Variants in MCM3 observed in about 807,000 individuals in gnomAD.
MCM3 encodes DNA replication licensing factor MCM3.
A neutral mutation model predicts 91.3 loss-of-function variants in MCM3; 59 were observed. That is an observed-to-expected ratio of 0.65 (90% CI 0.52 to 0.80). The LOEUF is 0.80. Ranked by LOEUF, MCM3 falls within the 30% of genes least tolerant of loss-of-function variation. The pLI is 0.00. For synonymous variants in MCM3, 383 were observed against 379.6 expected, an observed-to-expected ratio of 1.01 and a Z score of -0.10; for missense variants, 919 against 1,035.4, an observed-to-expected ratio of 0.89 and a Z score of 1.54.
chr6:52,282,587 G>C (rs1766199792), intron 3 of MCM3, 66 bp downstream of exon 3: 1 of 1,481,844 alleles, frequency 6.7e-7, no homozygotes, highest in Non-Finnish European at 9.4e-7. Context: ...GATCTACTTT[G>C]CCTCTCCTGC....
At chr6:52,273,525 C>T (rs1292663572) in intron 10 of MCM3, among the ~76,000 whole-genome samples, 169 bp from the exon 11 acceptor site, 1 of 152,144 alleles carries the variant, frequency 6.6e-6, no homozygotes, top group African/African-American at 2.4e-5. Flanking sequence ...GCCTGGCTCA[C>T]ACAAGATGCT....
intron 7 of MCM3, 144 bp downstream of exon 7, chr6:52,277,391 A>C (rs908397005): frequency 4.5e-6 from 4 of 889,700 alleles, no homozygotes; most frequent in African/African-American, 1.9e-5. Context: ...AGAGATGACA[A>C]AAAAAAAAAA....
At position 52,278,837 on chromosome 6, in the gene MCM3, C is replaced by A. The variant is rs767613351; in HGVS notation, c.784G>T (p.Ala262Ser). 3.7e-6 allele frequency: 6 copies of A among 1,611,962 alleles called. No homozygotes were observed. Among genetic ancestry groups the A allele is most frequent in the South Asian group, 3.3e-5 (3 of 90,918 alleles). The change falls in exon 6 of 17, where the codon GCC becomes TCC. Residue 262 changes from alanine to serine, a missense_variant. By Grantham distance (99) the Ala-to-Ser change is moderately conservative. Around this residue, in one of 3 missense-constraint regions of MCM3, gnomAD observed 401 missense variants for 402.7 expected, o/e 1.00. Coordinates refer to ENST00000596288, the MANE Select transcript of MCM3 (RefSeq NM_002388.6). ...TTGCTCATCTGCTTAACATTACAGG[C>A]AATCAGGACAGTCCTGGGACAAACA... is the stretch of plus-strand genomic sequence containing the variant. ...TSGTFRTVLI[A>S]CNVKQMSKDA...
chr6:52,266,742 G>C (rs201776326), intron 14 of MCM3, 46 bp from the exon 15 acceptor site: 2 of 1,449,700 alleles, frequency 1.4e-6, no homozygotes, highest in East Asian at 4.5e-5. Context: ...TTTGGAGACA[G>C]AAAGGCAAGG....
chr6:52,276,254 C>T lies in MCM3; in HGVS notation c.1374+14G>A. On this transcript the variant is annotated intron_variant, in intron 9 of 16. Transcript: ENST00000596288. Reference sequence around the variant, plus strand: ...TGAAGGTGAGGACAATGGTTGGGGCCTGATTCCACTTACCCTGCCGTAGAC... The same window carrying T: ...TGAAGGTGAGGACAATGGTTGGGGCTTGATTCCACTTACCCTGCCGTAGAC... The T allele has an allele frequency of 6.2e-7, 1 of 1,601,722 alleles. No individual in the cohort carries two copies. Among genetic ancestry groups the T allele is most frequent in the Non-Finnish European group, 8.5e-7 (1 of 1,173,170 alleles).
rs148957465 is a variant in MCM3 at position 52,277,162 on chromosome 6, T to C, written c.1070A>G (p.Tyr357Cys). 152 of 1,613,678 alleles carry C rather than the reference T, an allele frequency of 9.4e-5. No homozygotes were observed. The highest frequency in any genetic ancestry group is 1.2e-4 in the Non-Finnish European group (145 of 1,179,960). Reference protein sequence around the residue: ...PSVAKSQLLRYVLCTAPRAIP... With the variant: ...PSVAKSQLLRCVLCTAPRAIP... Reference sequence around the variant, plus strand: ...AGCTCGGGGTGCAGTGCAAAGCACATACCGCAGAAGCTGAGACTTGGCAAC... The same window carrying C: ...AGCTCGGGGTGCAGTGCAAAGCACACACCGCAGAAGCTGAGACTTGGCAAC... Residue 357 changes from tyrosine to cysteine, a missense_variant, in exon 8 of 17, where the codon TAT (tyrosine) becomes TGT (cysteine). Tyr to Cys is a radical substitution (Grantham distance 194). Coordinates refer to ENST00000596288, the MANE Select transcript of MCM3 (RefSeq NM_002388.6).
At chr6:52,279,644 T>A in intron 4 of MCM3, 45 bp from the exon 5 acceptor site, 1 of 1,403,588 alleles carries the variant, frequency 7.1e-7, no homozygotes, top group Non-Finnish European at 9.9e-7. Context: ...CCGTCCTGTC[T>A]TAAAAATGCC....
At chr6:52,284,486 G>T in intron 1 of MCM3, 111 bp downstream of exon 1, 1 of 960,196 alleles carries the variant, frequency 1.0e-6, no homozygotes. Context: ...GGGCCCGGCA[G>T]GCTCCGCTGC....
intron 5 of MCM3, 141 bp from the exon 6 acceptor site, chr6:52,278,991 A>G: frequency 1.7e-6 from 1 of 594,838 alleles, no homozygotes; most frequent in East Asian, 2.8e-5. Context: ...GCAGGTAGCT[A>G]TTGTGAATTA....
chr6:52,273,704 C>T, intron 10 of MCM3, 38 bp downstream of exon 10: 1 of 1,574,388 alleles, frequency 6.4e-7, no homozygotes, highest in African/African-American at 1.3e-5. Flanking sequence ...TGTTTAGCGC[C>T]TTTCCATTAG....
At chr6:52,281,299 T>C (rs1449266932) in intron 4 of MCM3, among the ~76,000 whole-genome samples, 3 of 152,232 alleles carry the variant, frequency 2.0e-5, no homozygotes, top group Non-Finnish European at 4.4e-5. Context: ...AATTATAACG[T>C]TGTTAAAACA....
Position 52,284,726 on chromosome 6 carries a change from T to C in MCM3, c.-52A>G. Reference sequence around the variant, plus strand: ...CAAAGTCGCGTGGAGGTTCCCAGGATGACTCCACCCCGGCGCGAAAACTTC... The same window carrying C: ...CAAAGTCGCGTGGAGGTTCCCAGGACGACTCCACCCCGGCGCGAAAACTTC... On this transcript the variant is annotated 5_prime_UTR_variant, in exon 1 of 17. Transcript: ENST00000596288. 1 of 1,571,710 alleles carries C rather than the reference T, an allele frequency of 6.4e-7. No individual in the cohort carries two copies. Among genetic ancestry groups the C allele is most frequent in the Non-Finnish European group, 8.6e-7 (1 of 1,160,268 alleles).
chr6:52,273,922 G>A lies in MCM3; in HGVS notation c.1375-6C>T. ...GGAGTCTTATACTGGTCATACTGGG[G>A]AATGCGAGGACAACAGAAGTGGACA... On this transcript the variant is annotated splice_region_variant and splice_polypyrimidine_tract_variant and intron_variant, in intron 9 of 16. Coordinates refer to ENST00000596288, the MANE Select transcript of MCM3 (RefSeq NM_002388.6). 6.2e-7 allele frequency: 1 copy of A among 1,602,608 alleles called. No homozygotes were observed. Among genetic ancestry groups the A allele is most frequent in the Non-Finnish European group, 8.5e-7 (1 of 1,172,816 alleles).
intron 4 of MCM3, among the ~76,000 whole-genome samples, chr6:52,281,661 G>C (rs1018189942): frequency 6.6e-6 from 1 of 151,758 alleles, no homozygotes; most frequent in Non-Finnish European, 1.5e-5. Context: ...GCCTGAGAGA[G>C]ACAGATCCCG....
Position 52,277,389 on chromosome 6 carries a change from C to CAA in MCM3, c.1033+144_1033+145dup, listed in dbSNP as rs60481410. On this transcript the variant is annotated intron_variant, in intron 7 of 16. Transcript: ENST00000596288. ...TATAAATCAGGAATTCCAGAGATGA[C>CAA]AAAAAAAAAAAAGATTCATTTTAGC... 1,270 of 815,990 alleles carry CAA rather than the reference C, an allele frequency of 1.6e-3. 1 individual carries two copies. The highest frequency in any genetic ancestry group is 3.5e-3 in the East Asian group (117 of 33,772). The allele number at this position is 815,990 out of a possible 1,614,324, so 50.5% of individuals were successfully genotyped here.
rs1764897333 is a variant in MCM3, at chr6:52,269,192, A to G, written c.1862T>C (p.Leu621Pro). 1 of 1,613,206 alleles carries G rather than the reference A, an allele frequency of 6.2e-7. No homozygotes were observed. Among genetic ancestry groups the G allele is most frequent in the African/African-American group, 1.3e-5 (1 of 75,046 alleles). Residue 621 changes from leucine (L) to proline (P), a missense_variant, in exon 13 of 17, where the codon CTG becomes CCG. Coordinates refer to ENST00000596288, the MANE Select transcript of MCM3 (RefSeq NM_002388.6). ...SPVTARTLETLIRLATAHAKA... is the reference protein window; with the variant it reads ...SPVTARTLETPIRLATAHAKA... ...CGCATGGGCTGTGGCCAGTCGAATC[A>G]GAGTTTCCAGTGTTCGGGCTGTAAC...
chr6:52,277,484 C>T (rs775652119), intron 7 of MCM3, 51 bp downstream of exon 7: 5 of 1,559,740 alleles, frequency 3.2e-6, no homozygotes, highest in African/African-American at 1.4e-5. Context: ...TATAGGTCTC[C>T]ACAACCACTC....
At chr6:52,278,908 T>C (rs1433620611) in intron 5 of MCM3, 58 bp from the exon 6 acceptor site, 21 of 1,246,680 alleles carry the variant, frequency 1.7e-5, no homozygotes, top group Admixed American at 5.7e-5. Context: ...CATCAGTAGC[T>C]AGTACCCCTA....
At chr6:52,282,328 TTATA>T (rs1766178238) in intron 3 of MCM3, among the ~76,000 whole-genome samples, 153 bp from the exon 4 acceptor site, 1 of 152,170 alleles carries the variant, frequency 6.6e-6, no homozygotes, top group Non-Finnish European at 1.5e-5. Context: ...ACTTTTTTAT[TTATA>T]TATAGACCAC....
Sources: gnomAD v4.1 joint callset for allele counts (sites outside exome capture counted in the v4.1 genomes callset) on GRCh38, gnomAD v4.1.1 for gene constraint, gnomAD v4.1.1 regional missense constraint, MANE v1.5 for transcripts, NCBI Gene and HGNC (gene_info 2026-07-23, HGNC 2026-07-21) for gene names.